Variants in RAB27A observed in about 807,000 individuals in gnomAD.
RAB27A encodes the protein ras-related protein Rab-27A.
RAB27A carries 17 observed loss-of-function variants against 20.8 expected under a neutral mutation model. The observed-to-expected ratio is 0.82, with a 90% CI of 0.56 to 1.23. RAB27A has a LOEUF of 1.23. RAB27A is among the 50% of genes most tolerant of loss of function. RAB27A has a pLI of 0.00. For synonymous variants in RAB27A, 85 were observed against 92.8 expected (o/e 0.92, Z 0.48); for missense variants, 277 against 266.7 (o/e 1.04, Z -0.27).
intron 2 of RAB27A, among the ~76,000 whole-genome samples, chr15:55,243,171 C>T (rs1413603692): frequency 6.6e-6 from 1 of 152,106 alleles, no homozygotes; most frequent in African/African-American, 2.4e-5. Flanking sequence ...AGCTTGTCTG[C>T]TTCTTGCTGG....
intron 2 of RAB27A, among the ~76,000 whole-genome samples, chr15:55,253,954 T>C (rs994103679): frequency 2.0e-5 from 3 of 152,210 alleles, no homozygotes; most frequent in African/African-American, 7.2e-5. Context: ...CTTCAGAAAC[T>C]ATGTTTGAGT....
chr15:55,316,392 C>T (rs1013761630), intron 1 of RAB27A, among the ~76,000 whole-genome samples: 4 of 122,188 alleles, frequency 3.3e-5, no homozygotes, highest in Admixed American at 2.2e-4. Flanking sequence ...TACATGGACA[C>T]AGGGAGGGGA....
At chr15:55,225,151 C>T (rs2140962266) in intron 5 of RAB27A, among the ~76,000 whole-genome samples, 1 of 152,294 alleles carries the variant, frequency 6.6e-6, no homozygotes, top group Admixed American at 6.5e-5. Context: ...AGACTTGCTT[C>T]ATGGTTACCT....
intron 1 of RAB27A, among the ~76,000 whole-genome samples, chr15:55,314,646 A>G (rs2055035580): frequency 1.3e-5 from 2 of 152,240 alleles, no homozygotes; most frequent in Admixed American, 6.5e-5. Flanking sequence ...CCAAATCATG[A>G]GTGAACTCCT....
intron 2 of RAB27A, among the ~76,000 whole-genome samples, chr15:55,313,669 T>C (rs1005931283): frequency 2.0e-5 from 3 of 151,920 alleles, no homozygotes; most frequent in African/African-American, 7.3e-5. Flanking sequence ...AGGTCAGGAG[T>C]TGAAGAGCAG....
In RAB27A at chr15:55,219,762, A is replaced by G. The variant is rs187928262; in HGVS notation, c.467+4127T>C. Among the ~76,000 whole-genome samples, 78 of 152,326 alleles carry G rather than the reference A, an allele frequency of 5.1e-4. 1 individual carries two copies. Among genetic ancestry groups the G allele is most frequent in the Admixed American group, 5.0e-3 (77 of 15,304 alleles). ...TTGGCTGGCAGGAGTGCAAATTTGA[A>G]CAACTTTCTGTTTTGTTCTCTTCTC... is the stretch of plus-strand genomic sequence containing the variant. On this transcript the variant is annotated intron_variant, in intron 6 of 6. Coordinates refer to ENST00000336787, the MANE Select transcript of RAB27A (RefSeq NM_183235.3).
At chr15:55,316,218 G>C (rs550030518) in intron 1 of RAB27A, among the ~76,000 whole-genome samples, 1 of 141,874 alleles carries the variant, frequency 7.0e-6, no homozygotes, top group Non-Finnish European at 1.5e-5. Flanking sequence ...CTGGGCAACA[G>C]AGCCAGACTC....
At chr15:55,304,940 A>G (rs976692091) in intron 2 of RAB27A, among the ~76,000 whole-genome samples, 3 of 152,174 alleles carry the variant, frequency 2.0e-5, no homozygotes, top group Non-Finnish European at 4.4e-5. Flanking sequence ...GAGGGGACCC[A>G]AAGAGGGTAG....
intron 3 of RAB27A, among the ~76,000 whole-genome samples, chr15:55,231,924 T>C (rs1896045519): frequency 6.6e-6 from 1 of 151,916 alleles, no homozygotes; most frequent in South Asian, 2.1e-4. Flanking sequence ...AAAAAAAATT[T>C]AAAGAAAAAA....
At chr15:55,247,622 C>T (rs756634853) in intron 2 of RAB27A, among the ~76,000 whole-genome samples, 3 of 152,054 alleles carry the variant, frequency 2.0e-5, no homozygotes, top group Admixed American at 6.6e-5. Flanking sequence ...GGGAAATGCA[C>T]CAACTCAAAA....
At position 55,268,326 on chromosome 15, in the gene RAB27A, G is replaced by A. The variant is rs148879720; in HGVS notation, c.-23+1839C>T. ...GTTTGGTCACCACACTGGAATGGAA[G>A]CCAGGATATTCTGAAGGATGCCTTG... On this transcript the variant is annotated intron_variant, in intron 2 of 6. Transcript: ENST00000336787. 1.1e-3 allele frequency among the ~76,000 whole-genome samples: 175 copies of A among 152,300 alleles called. No homozygotes were observed. In the East Asian group the frequency reaches 0.015, roughly 13 times the overall value.
chr15:55,283,093 A>C (rs1473572774), intron 1 of RAB27A, among the ~76,000 whole-genome samples: 2 of 152,162 alleles, frequency 1.3e-5, no homozygotes, highest in Non-Finnish European at 2.9e-5. Context: ...TGAGTTGTCT[A>C]ATGCAGGGTT....
intron 4 of RAB27A, 107 bp from the exon 5 acceptor site, chr15:55,228,819 C>T (rs1895920158): frequency 1.3e-6 from 1 of 779,650 alleles, no homozygotes; most frequent in Non-Finnish European, 2.3e-6. Context: ...CAATAACAAG[C>T]TACATGGTGA....
chr15:55,246,844 C>G (rs1299916835), intron 2 of RAB27A, among the ~76,000 whole-genome samples: 1 of 151,982 alleles, frequency 6.6e-6, no homozygotes, highest in Non-Finnish European at 1.5e-5. Context: ...AGTGCAAAAT[C>G]TACAAAGTAT....
intron 6 of RAB27A, among the ~76,000 whole-genome samples, chr15:55,216,403 C>G (rs1357436918): frequency 6.6e-6 from 1 of 151,806 alleles, no homozygotes; most frequent in Admixed American, 6.6e-5. Flanking sequence ...CATGGTGGCA[C>G]GTGCCTGTAG....
intron 6 of RAB27A, among the ~76,000 whole-genome samples, chr15:55,209,687 A>T (rs1257434253): frequency 6.6e-6 from 1 of 150,484 alleles, no homozygotes; most frequent in Non-Finnish European, 1.5e-5. Context: ...TCCTAAGAAA[A>T]CTTACATAAA....
At chr15:55,241,610 ATATATATATATATATGTGTG>A (rs1566915299) in intron 2 of RAB27A, among the ~76,000 whole-genome samples, 1 of 130,130 alleles carries the variant, frequency 7.7e-6, no homozygotes, top group African/African-American at 4.0e-5. Context: ...TTATATATAT[ATATATATATATATATGTGTG>A]TATATATATT....
upstream of RAB27A, among the ~76,000 whole-genome samples, chr15:55,293,015 T>G (rs989927097): frequency 6.6e-6 from 1 of 152,158 alleles, no homozygotes; most frequent in Non-Finnish European, 1.5e-5. Context: ...ACATCTCGTG[T>G]GTCAGTTCAA....
intron 1 of RAB27A, among the ~76,000 whole-genome samples, chr15:55,275,926 A>AAG (rs1441273137): frequency 1.1e-3 from 168 of 149,470 alleles, no homozygotes; most frequent in African/African-American, 3.9e-3. Flanking sequence ...ATTAAAAAAA[A>AAG]AAAAAAAAAA....
Sources: allele counts gnomAD v4.1 joint callset (sites outside exome capture counted in the v4.1 genomes callset), GRCh38; gene constraint gnomAD v4.1.1; transcripts MANE v1.5; gene names NCBI Gene and HGNC (gene_info 2026-07-23, HGNC 2026-07-21).